LRBA: variants seen among roughly 807,000 people sequenced by gnomAD.
LRBA encodes the protein LPS responsive beige-like anchor protein, also known as lipopolysaccharide-responsive and beige-like anchor protein.
A neutral mutation model predicts 330.0 loss-of-function variants in LRBA; 176 were observed. The ratio of observed to expected loss-of-function variants is 0.53; its 90% CI spans 0.47 to 0.60. The LOEUF is 0.60. Ranked by LOEUF, LRBA falls within the 20% of genes least tolerant of loss-of-function variation. The pLI, the probability that LRBA is intolerant of heterozygous loss-of-function variation, is 0.00. For synonymous variants in LRBA, 1,230 were observed against 1,193.0 expected, an observed-to-expected ratio of 1.03 and a Z score of -0.64; for missense variants, 3,259 against 3,444.8, an observed-to-expected ratio of 0.95 and a Z score of 1.35.
intron 22 of LRBA, among the ~76,000 whole-genome samples, chr4:150,854,205 A>G (rs944702272): frequency 1.2e-4 from 18 of 152,188 alleles, no homozygotes; most frequent in African/African-American, 4.3e-4. Context: ...TTTCCTGTGA[A>G]TATTTGTATT....
At chr4:150,985,744 C>T (rs1272146523) in intron 2 of LRBA, among the ~76,000 whole-genome samples, 1 of 152,040 alleles carries the variant, frequency 6.6e-6, no homozygotes, top group Non-Finnish European at 1.5e-5. Context: ...GTGATCCGCC[C>T]GCCTCGGCCT....
At chr4:150,426,117 C>T (rs1749565871) in intron 46 of LRBA, among the ~76,000 whole-genome samples, 1 of 151,986 alleles carries the variant, frequency 6.6e-6, no homozygotes, top group Non-Finnish European at 1.5e-5. Flanking sequence ...AGATCAAGAA[C>T]ATTGAATTGC....
chr4:150,557,511 C>G (rs1453508401), intron 40 of LRBA, among the ~76,000 whole-genome samples: 1 of 144,942 alleles, frequency 6.9e-6, no homozygotes, highest in East Asian at 2.0e-4. Flanking sequence ...TTTTTCTTGT[C>G]CCAAGATCCC....
At chr4:150,840,179 T>A (rs937164281) in intron 28 of LRBA, among the ~76,000 whole-genome samples, 1 of 152,242 alleles carries the variant, frequency 6.6e-6, no homozygotes, top group Non-Finnish European at 1.5e-5. Context: ...ACTAAAACTT[T>A]CTTCAAATCA....
chr4:150,462,825 T>G (rs1754949991), intron 44 of LRBA, among the ~76,000 whole-genome samples: 1 of 151,906 alleles, frequency 6.6e-6, no homozygotes, highest in Non-Finnish European at 1.5e-5. Flanking sequence ...CAAGTTTATT[T>G]AAACAAACAG....
intron 40 of LRBA, among the ~76,000 whole-genome samples, chr4:150,507,197 T>G (rs1398529994): frequency 1.3e-5 from 2 of 151,564 alleles, no homozygotes; most frequent in Non-Finnish European, 3.0e-5. Flanking sequence ...AAGCTACCAA[T>G]GACTTTCTTC....
intron 2 of LRBA, among the ~76,000 whole-genome samples, chr4:150,938,076 TAA>T (rs58730047): frequency 4.5e-4 from 60 of 132,142 alleles, no homozygotes; most frequent in Admixed American, 4.6e-4. Flanking sequence ...TGGTATAGTT[TAA>T]AAAAAAAAAA....
chr4:150,465,692 A>C (rs1000680258), intron 44 of LRBA, among the ~76,000 whole-genome samples: 1 of 152,066 alleles, frequency 6.6e-6, no homozygotes, highest in Non-Finnish European at 1.5e-5. Flanking sequence ...CCATTTTTGA[A>C]TGTTGTTGAG....
intron 37 of LRBA, among the ~76,000 whole-genome samples, chr4:150,601,637 C>T (rs1774123680): frequency 6.6e-6 from 1 of 152,070 alleles, no homozygotes; most frequent in African/African-American, 2.4e-5. Flanking sequence ...TGTTTCATTT[C>T]TGCTAACTAT....
chr4:150,490,341 T>G (rs1758758320), intron 41 of LRBA, among the ~76,000 whole-genome samples: 1 of 151,848 alleles, frequency 6.6e-6, no homozygotes, highest in African/African-American at 2.4e-5. Context: ...CCATACCAAA[T>G]GATGCTTTTC....
intron 30 of LRBA, among the ~76,000 whole-genome samples, chr4:150,825,300 T>C (rs543747454): frequency 1.1e-4 from 17 of 152,272 alleles, no homozygotes; most frequent in African/African-American, 4.1e-4. Context: ...GCATTGAGCA[T>C]TGGTATTGTT....
At chr4:150,286,157 A>G (rs1235903335) in intron 53 of LRBA, 123 bp from the exon 54 acceptor site, 1 of 710,768 alleles carries the variant, frequency 1.4e-6, no homozygotes, top group Admixed American at 3.1e-5. Context: ...TTGTCCAGCA[A>G]TCCTACTTTA....
At chr4:150,283,197 C>T (rs900477461) in intron 54 of LRBA, among the ~76,000 whole-genome samples, 7 of 152,158 alleles carry the variant, frequency 4.6e-5, no homozygotes, top group Admixed American at 2.0e-4. Context: ...TTCCTCTCAA[C>T]CTCCAAAAAA....
intron 2 of LRBA, among the ~76,000 whole-genome samples, chr4:150,962,411 A>C (rs1738245626): frequency 6.7e-6 from 1 of 149,242 alleles, no homozygotes; most frequent in Non-Finnish European, 1.5e-5. Flanking sequence ...TCAGCTACTC[A>C]GGCAGCTGAG....
At chr4:150,432,453 CTTTTTTTTTTT>C (rs35393002) in intron 46 of LRBA, among the ~76,000 whole-genome samples, 27 of 98,420 alleles carry the variant, frequency 2.7e-4, no homozygotes, top group East Asian at 6.3e-4. Context: ...TAAGTGTGTT[CTTTTTTTTTTT>C]TTTTTTTTTT....
At position 150,817,366 on chromosome 4, in the gene LRBA, T is replaced by C. The variant is rs1463833170; in HGVS notation, c.5172-109A>G. Reference sequence around the variant, plus strand: ...AGCTAACTTATTTTTCTAATTTTCTTTCTTATTTCTATTTGATGTACAATT... The same window carrying C: ...AGCTAACTTATTTTTCTAATTTTCTCTCTTATTTCTATTTGATGTACAATT... On this transcript the variant is annotated intron_variant, in intron 30 of 56. Coordinates refer to ENST00000651943, the MANE Select transcript of LRBA (RefSeq NM_001364905.1). The C allele has an allele frequency of 4.1e-6, 4 of 983,084 alleles. No homozygotes were observed. In the African/African-American group the frequency reaches 6.6e-5, roughly 16 times the overall value. The allele number at this position is 983,084 out of a possible 1,614,324, so 60.9% of individuals were successfully genotyped here.
chr4:150,400,005 G>C (rs374559884), intron 47 of LRBA, among the ~76,000 whole-genome samples: 2 of 140,918 alleles, frequency 1.4e-5, no homozygotes, highest in Non-Finnish European at 3.2e-5. Flanking sequence ...ATCAATCAAG[G>C]CTTCCCAAGG....
chr4:150,864,492 A>G (rs1176927123), intron 22 of LRBA, among the ~76,000 whole-genome samples: 3 of 152,138 alleles, frequency 2.0e-5, no homozygotes, highest in Non-Finnish European at 2.9e-5. Context: ...GCTTCATAGA[A>G]GACAACTGCA....
At position 150,387,914 on chromosome 4, in the gene LRBA, G is replaced by A. The variant is rs1223653015; in HGVS notation, c.7194+27524C>T. Among the ~76,000 whole-genome samples the A allele has an allele frequency of 5.9e-5, 9 of 152,206 alleles. No homozygotes were observed. In the South Asian group the frequency reaches 1.2e-3, roughly 21 times the overall value. On this transcript the variant is annotated intron_variant, in intron 47 of 56. Coordinates refer to ENST00000651943, the MANE Select transcript of LRBA (RefSeq NM_001364905.1). ...ATAGAAGGGATAGAAGGTAAAGAGA[G>A]TGATGATACATAGAAAGTCATGATA...
Sources: allele counts gnomAD v4.1 joint callset (sites outside exome capture counted in the v4.1 genomes callset), GRCh38; gene constraint gnomAD v4.1.1; transcripts MANE v1.5; gene names NCBI Gene and HGNC (gene_info 2026-07-23, HGNC 2026-07-21).